The following DDX50 variants were observed in gnomAD, a reference collection of about 807,000 sequenced individuals.
The protein encoded by DDX50 is ATP-dependent RNA helicase DDX50.
A neutral mutation model predicts 94.8 loss-of-function variants in DDX50; 56 were observed. That is an observed-to-expected ratio of 0.59 (90% CI 0.48 to 0.74). The LOEUF is 0.74. Ranked by LOEUF, DDX50 falls within the 30% of genes least tolerant of loss-of-function variation. DDX50 has a pLI of 0.00. For synonymous variants in DDX50, 264 were observed against 295.4 expected, an observed-to-expected ratio of 0.89 and a Z score of 1.09; for missense variants, 713 against 881.2, an observed-to-expected ratio of 0.81 and a Z score of 2.42.
At chr10:68,931,426 T>TATACACACACACACACACAC (rs375773633) in intron 8 of DDX50, among the ~76,000 whole-genome samples, 11 of 84,822 alleles carry the variant, frequency 1.3e-4, no homozygotes, top group Non-Finnish European at 1.8e-4. Flanking sequence ...TATATATATA[T>TATACACACACACACACACAC]ACACAAACAC....
intron 1 of DDX50, among the ~76,000 whole-genome samples, chr10:68,905,125 A>G (rs1001585779): frequency 3.9e-5 from 6 of 152,186 alleles, no homozygotes; most frequent in African/African-American, 1.2e-4. Flanking sequence ...CATGTTGGCC[A>G]GGCTGGTCTT....
rs983114964 is a variant in DDX50, at chr10:68,901,451, CAGA to C, written c.73_75del (p.Lys25del). ...AGCACCCTTGGAGGAGTCCGAGAGC[CAGA>C]AGAAGGAGAGGCAAAAGGTGCGCTG... is the stretch of plus-strand genomic sequence containing the variant. On this transcript the variant is annotated inframe_deletion, in exon 1 of 15. Coordinates refer to ENST00000373585, the MANE Select transcript of DDX50 (RefSeq NM_024045.2). 4.3e-5 allele frequency: 68 copies of C among 1,574,028 alleles called. No homozygotes were observed. Among genetic ancestry groups the C allele is most frequent in the African/African-American group, 5.4e-5 (4 of 73,656 alleles).
In DDX50 at chr10:68,919,776, AAT is replaced by A. The variant is rs1841894806; in HGVS notation, c.1090-53_1090-52del. ...CCAGATAGAAAAAATACACAAGAGA[AAT>A]ATTTTAAAATAATTTTAATGAAACA... is the stretch of plus-strand genomic sequence containing the variant. On this transcript the variant is annotated intron_variant, in intron 7 of 14. Transcript: ENST00000373585. 3 of 1,586,428 alleles carry A rather than the reference AAT, an allele frequency of 1.9e-6. No homozygotes were observed. The East Asian group carries it at 6.8e-5, about 36-fold the overall frequency.
At position 68,941,188 on chromosome 10, in the gene DDX50, A is replaced by G. The variant is rs5030900; in HGVS notation, c.1884A>G (p.Gly628=). Residue 628 remains glycine (G), a synonymous_variant, in exon 13 of 15, where the codon GGA becomes GGG. Coordinates refer to ENST00000373585, the MANE Select transcript of DDX50 (RefSeq NM_024045.2). ...SQITRMCLLK[G]NMGVCFDVPT... ...TTACCAGAATGTGCCTCCTGAAAGG[A>G]AATATGGTAGGCTTTTCCAGACAAT... 1,035,763 of 1,610,876 alleles carry G rather than the reference A, an allele frequency of 0.64. 335,626 individuals carry two copies. Among genetic ancestry groups the G allele is most frequent in the East Asian group, 0.85 (38,005 of 44,766 alleles).
chr10:68,936,870 C>T, intron 11 of DDX50, 66 bp from the exon 12 acceptor site: 1 of 1,467,528 alleles, frequency 6.8e-7, no homozygotes, highest in African/African-American at 1.4e-5. Flanking sequence ...TTCTTTTTCC[C>T]ATTTTTCTTC....
At chr10:68,917,103 T>C (rs941685340) in intron 7 of DDX50, among the ~76,000 whole-genome samples, 1 of 152,202 alleles carries the variant, frequency 6.6e-6, no homozygotes, top group East Asian at 1.9e-4. Context: ...CTGATTGATA[T>C]GCGTCTTAAA....
At chr10:68,925,797 T>C (rs1402628094) in intron 8 of DDX50, among the ~76,000 whole-genome samples, 3 of 152,204 alleles carry the variant, frequency 2.0e-5, no homozygotes, top group Admixed American at 6.5e-5. Flanking sequence ...GCAGATTGCC[T>C]GAGCTCAGAA....
intron 14 of DDX50, among the ~76,000 whole-genome samples, chr10:68,946,149 T>A (rs1350561368): frequency 6.6e-6 from 1 of 152,178 alleles, no homozygotes; most frequent in African/African-American, 2.4e-5. Context: ...AATTTTAGAA[T>A]GTATAAACTG....
In DDX50 at chr10:68,946,362, A is replaced by G; in HGVS notation, c.1946A>G (p.His649Arg). The G allele has an allele frequency of 6.2e-7, 1 of 1,609,352 alleles. No individual in the cohort carries two copies. ...TESERLQAEW[H>R]DSDWILSVPA... is the part of the protein sequence containing the mutation. ...AAATTCCCCTAACAGGCAGAGTGGC[A>G]TGATTCCGACTGGATACTCTCAGTG... The change falls in exon 15 of 15, where the codon CAT becomes CGT. Residue 649 changes from histidine to arginine, a missense_variant. His to Arg is a conservative substitution (Grantham distance 29). Around this residue, in one of 2 missense-constraint regions of DDX50, gnomAD observed 428 missense variants for 602.3 expected, o/e 0.71. Transcript: ENST00000373585.
chr10:68,913,010 T>C lies in DDX50; in HGVS notation c.640-152T>C, dbSNP rs1376647943. On this transcript the variant is annotated intron_variant, in intron 4 of 14. Transcript: ENST00000373585. ...GGGGAATGTAATAAATACATGCTGC[T>C]GTTCCTTTTGCTATTTGTGATGTGT... is the stretch of plus-strand genomic sequence containing the variant. 3 of 636,116 alleles carry C rather than the reference T, an allele frequency of 4.7e-6. No homozygotes were observed. In the East Asian group the frequency reaches 8.5e-5, roughly 18 times the overall value. The allele number at this position is 636,116 out of a possible 1,614,324, so 39.4% of individuals were successfully genotyped here.
rs372581082 is a variant in DDX50, at chr10:68,936,933, T to C, written c.1596-3T>C. The C allele has an allele frequency of 3.1e-6, 5 of 1,595,520 alleles. No homozygotes were observed. Among genetic ancestry groups the C allele is most frequent in the Non-Finnish European group, 4.3e-6 (5 of 1,169,330 alleles). On this transcript the variant is annotated splice_region_variant and splice_polypyrimidine_tract_variant and intron_variant, in intron 11 of 14. Transcript: ENST00000373585. ...GACCAAGAATACTATTTTTAAACCA[T>C]AGGTCTCTGGCTTCCGTTTCTTACG...
At chr10:68,923,524 A>C (rs947757104) in intron 8 of DDX50, among the ~76,000 whole-genome samples, 16 of 151,134 alleles carry the variant, frequency 1.1e-4, no homozygotes, top group African/African-American at 3.9e-4. Flanking sequence ...ATATATATGT[A>C]TATTTTATTT....
intron 7 of DDX50, among the ~76,000 whole-genome samples, chr10:68,916,818 G>T (rs1330531264): frequency 6.6e-6 from 1 of 152,072 alleles, no homozygotes; most frequent in Non-Finnish European, 1.5e-5. Context: ...CTGAGTAGCT[G>T]GGATTACAGG....
chr10:68,912,684 T>C (rs1841665513), intron 4 of DDX50, among the ~76,000 whole-genome samples: 1 of 152,234 alleles, frequency 6.6e-6, no homozygotes, highest in Non-Finnish European at 1.5e-5. Flanking sequence ...AGAATCAAAT[T>C]AGATAATTCC....
At position 68,901,320 on chromosome 10, in the gene DDX50, C is replaced by G; in HGVS notation, c.-65C>G. On this transcript the variant is annotated 5_prime_UTR_variant, in exon 1 of 15. Transcript: ENST00000373585. ...CGGCCGCCTTGCCCCCGCTTCCTTTCACGCTGTCGCTGCCCGTAGGTGGTT... is the reference window on the plus strand; with the variant it reads ...CGGCCGCCTTGCCCCCGCTTCCTTTGACGCTGTCGCTGCCCGTAGGTGGTT... The G allele has an allele frequency of 6.9e-7, 1 of 1,448,156 alleles. No homozygotes were observed. Among genetic ancestry groups the G allele is most frequent in the South Asian group, 1.4e-5 (1 of 73,480 alleles). 89.7% of individuals were successfully genotyped at this position (1,448,156 alleles called of 1,614,324 possible). A position where few individuals can be genotyped will look rare whatever the true frequency, so the allele number is the denominator to read the frequency against.
chr10:68,920,112 G>A, intron 8 of DDX50, 131 bp downstream of exon 8: 1 of 1,067,418 alleles, frequency 9.4e-7, no homozygotes, highest in Non-Finnish European at 1.4e-6. Context: ...GGGCATGGTG[G>A]CCCACACCTG....
In DDX50 at chr10:68,946,712, A is replaced by G. The variant is rs1372899301; in HGVS notation, c.*82A>G. 9.9e-6 allele frequency: 15 copies of G among 1,515,236 alleles called. No homozygotes were observed. The highest frequency in any genetic ancestry group is 1.2e-5 in the Non-Finnish European group (13 of 1,126,854). 93.9% of individuals were successfully genotyped at this position (1,515,236 alleles called of 1,614,324 possible). On this transcript the variant is annotated 3_prime_UTR_variant, in exon 15 of 15. Coordinates refer to ENST00000373585, the MANE Select transcript of DDX50 (RefSeq NM_024045.2). The stretch of plus-strand genomic sequence containing the variant: ...ATTATCCACCAAAAATTAGGTCATC[A>G]TAGTTGAGGTATGTGTCTGCTATTT...
intron 11 of DDX50, among the ~76,000 whole-genome samples, chr10:68,936,551 A>ATATATATAT (rs1842423571): frequency 3.4e-5 from 4 of 116,914 alleles, no homozygotes; most frequent in African/African-American, 1.3e-4. Flanking sequence ...TATATATATA[A>ATATATATAT]AATGTGGCTG....
rs555536548 is a variant in DDX50 at position 68,924,264 on chromosome 10, G to A, written c.1239+4283G>A. On this transcript the variant is annotated intron_variant, in intron 8 of 14. Transcript: ENST00000373585. Reference sequence around the variant, plus strand: ...TGGGATTACAGGCATGAGCCACCGTGTCTGCCAAAATTTTTTTTTTTTAAG... The same window carrying A: ...TGGGATTACAGGCATGAGCCACCGTATCTGCCAAAATTTTTTTTTTTTAAG... 4.6e-5 allele frequency among the ~76,000 whole-genome samples: 7 copies of A among 152,044 alleles called. No individual in the cohort carries two copies. The South Asian group carries it at 1.5e-3, about 32-fold the overall frequency.
Sources: gnomAD v4.1 joint callset for allele counts (sites outside exome capture counted in the v4.1 genomes callset) on GRCh38, gnomAD v4.1.1 for gene constraint, gnomAD v4.1.1 regional missense constraint, MANE v1.5 for transcripts, NCBI Gene and HGNC (gene_info 2026-07-23, HGNC 2026-07-21) for gene names.